The following PTPRK variants were observed in gnomAD, a reference collection of about 807,000 sequenced individuals.
PTPRK encodes the protein receptor-type tyrosine-protein phosphatase kappa.
In PTPRK, 75 loss-of-function variants were observed where a neutral mutation model predicts 178.0. The ratio of observed to expected loss-of-function variants is 0.42; its 90% CI spans 0.35 to 0.51. The LOEUF is 0.51. Among genes scored for constraint, PTPRK ranks in the 20% least tolerant of loss-of-function variants. The pLI is 0.02. For synonymous variants in PTPRK, 637 were observed against 620.6 expected (o/e 1.03, Z -0.39); for missense variants, 1,441 against 1,797.8 (o/e 0.80, Z 3.59).
intron 6 of PTPRK, among the ~76,000 whole-genome samples, chr6:128,192,741 G>A (rs1413597104): frequency 6.6e-6 from 1 of 151,548 alleles, no homozygotes; most frequent in African/African-American, 2.4e-5. Context: ...ACCTGAGCCT[G>A]GGAAAGTTGA....
chr6:128,156,747 G>A (rs1283319960), intron 7 of PTPRK, among the ~76,000 whole-genome samples: 1 of 151,940 alleles, frequency 6.6e-6, no homozygotes, highest in Non-Finnish European at 1.5e-5. Context: ...TTTATTTAAA[G>A]CAATTATATA....
chr6:128,342,961 C>T (rs1390488568), intron 2 of PTPRK, among the ~76,000 whole-genome samples: 2 of 151,894 alleles, frequency 1.3e-5, no homozygotes, highest in East Asian at 1.9e-4. Flanking sequence ...AGGTTTATTA[C>T]AGAAAATTTT....
chr6:128,284,293 G>T (rs1822122505), intron 3 of PTPRK, among the ~76,000 whole-genome samples: 1 of 152,128 alleles, frequency 6.6e-6, no homozygotes. Flanking sequence ...CTTTCATCCT[G>T]GTCATCTTTT....
At chr6:128,180,028 A>G (rs1228649523) in intron 7 of PTPRK, among the ~76,000 whole-genome samples, 2 of 152,102 alleles carry the variant, frequency 1.3e-5, no homozygotes, top group Non-Finnish European at 2.9e-5. Flanking sequence ...TCCCAACTGC[A>G]TAAATGTATT....
At chr6:128,108,630 A>G (rs1389928742) in intron 7 of PTPRK, among the ~76,000 whole-genome samples, 2 of 152,174 alleles carry the variant, frequency 1.3e-5, no homozygotes, top group Non-Finnish European at 2.9e-5. Flanking sequence ...CACTGCACAG[A>G]GTTTACATTT....
intron 2 of PTPRK, among the ~76,000 whole-genome samples, chr6:128,327,082 A>T (rs1404842484): frequency 6.6e-6 from 1 of 152,118 alleles, no homozygotes; most frequent in East Asian, 1.9e-4. Flanking sequence ...AAAACAAATG[A>T]CAGTTTTTAC....
chr6:128,133,387 A>ATT (rs112132319), intron 7 of PTPRK, among the ~76,000 whole-genome samples: 3,877 of 152,290 alleles, frequency 0.025, 75 homozygotes, highest in Middle Eastern at 0.096. Context: ...AATATAAGGA[A>ATT]TCGGTATTTC....
chr6:128,328,475 A>C (rs1829858083), intron 2 of PTPRK, among the ~76,000 whole-genome samples: 1 of 152,232 alleles, frequency 6.6e-6, no homozygotes. Context: ...AAATTACCAG[A>C]AAATGTCAAA....
intron 8 of PTPRK, among the ~76,000 whole-genome samples, chr6:128,087,261 G>A (rs1240808458): frequency 1.3e-5 from 2 of 152,068 alleles, no homozygotes; most frequent in Non-Finnish European, 2.9e-5. Flanking sequence ...TTACTAGAGA[G>A]TGACTGGCTA....
intron 1 of PTPRK, among the ~76,000 whole-genome samples, chr6:128,404,036 A>G (rs897910689): frequency 6.6e-5 from 10 of 152,236 alleles, no homozygotes; most frequent in African/African-American, 2.4e-4. Flanking sequence ...ATTTGGCCCA[A>G]AGTTCACCAG....
chr6:128,241,427 C>A (rs61583694), intron 4 of PTPRK: 1 of 417,320 alleles, frequency 2.4e-6, no homozygotes, highest in Non-Finnish European at 4.8e-6. Flanking sequence ...TAGGTGATTC[C>A]GAAGCACACT....
At chr6:128,227,932 C>G (rs1218665418) in intron 5 of PTPRK, among the ~76,000 whole-genome samples, 1 of 151,274 alleles carries the variant, frequency 6.6e-6, no homozygotes, top group East Asian at 1.9e-4. Context: ...AACACATGGA[C>G]ATAGGGAGGG....
chr6:128,342,850 C>A (rs1278811151), intron 2 of PTPRK, among the ~76,000 whole-genome samples: 1 of 151,790 alleles, frequency 6.6e-6, no homozygotes. Flanking sequence ...TACTTAAGAG[C>A]CTGAGGTAGG....
intron 1 of PTPRK, among the ~76,000 whole-genome samples, chr6:128,420,022 C>T (rs1584630222): frequency 6.6e-6 from 1 of 152,260 alleles, no homozygotes; most frequent in African/African-American, 2.4e-5. Context: ...ACCTAGCAAA[C>T]GAATAATCAT....
chr6:128,483,238 C>T (rs913055834), intron 1 of PTPRK, among the ~76,000 whole-genome samples: 4 of 151,922 alleles, frequency 2.6e-5, no homozygotes, highest in African/African-American at 7.2e-5. Flanking sequence ...TTCTACCACT[C>T]GAAATGTTTA....
In PTPRK at chr6:128,242,948, T is replaced by C. The variant is rs1814736528; in HGVS notation, c.496-346A>G. On this transcript the variant is annotated intron_variant, in intron 3 of 29. Coordinates refer to ENST00000368226, the MANE Select transcript of PTPRK (RefSeq NM_002844.4). The stretch of plus-strand genomic sequence containing the variant: ...GATTTTTTCCATTTTTGTTGTTTAC[T>C]TAACATACATGGAGCACCTACTATG... 2.0e-5 allele frequency among the ~76,000 whole-genome samples: 3 copies of C among 152,232 alleles called. No homozygotes were observed. The South Asian group carries it at 6.2e-4, about 31-fold the overall frequency.
intron 2 of PTPRK, among the ~76,000 whole-genome samples, chr6:128,380,745 T>C (rs1837788801): frequency 6.6e-6 from 1 of 152,158 alleles, no homozygotes; most frequent in African/African-American, 2.4e-5. Flanking sequence ...TCTCTCATTC[T>C]TCAACAGACG....
At chr6:128,358,490 C>A (rs977005472) in intron 2 of PTPRK, among the ~76,000 whole-genome samples, 1 of 152,178 alleles carries the variant, frequency 6.6e-6, no homozygotes. Flanking sequence ...GGTCATGCAT[C>A]CCAAAGTTTC....
intron 7 of PTPRK, among the ~76,000 whole-genome samples, chr6:128,102,348 T>C (rs1383986466): frequency 6.6e-6 from 1 of 152,204 alleles, no homozygotes; most frequent in African/African-American, 2.4e-5. Context: ...CACAGGCAGG[T>C]AAATTTATTT....
Sources: gnomAD v4.1 joint callset for allele counts (sites outside exome capture counted in the v4.1 genomes callset) on GRCh38, gnomAD v4.1.1 for gene constraint, MANE v1.5 for transcripts, NCBI Gene and HGNC (gene_info 2026-07-23, HGNC 2026-07-21) for gene names.